Variants in EIF4G3 observed in about 807,000 individuals in gnomAD.
EIF4G3 encodes eIF-4-gamma 3.
EIF4G3 carries 34 observed loss-of-function variants against 186.4 expected under a neutral mutation model. The observed-to-expected ratio is 0.18, with a 90% CI of 0.14 to 0.24. The LOEUF (loss-of-function observed/expected upper bound fraction) is 0.24. Among genes scored for constraint, EIF4G3 ranks in the 10% least tolerant of loss-of-function variants. EIF4G3 has a pLI of 1.00. For missense variants in EIF4G3, 1,536 were observed against 1,948.5 expected, an observed-to-expected ratio of 0.79 and a Z score of 3.99; for synonymous variants, 673 against 679.5, an observed-to-expected ratio of 0.99 and a Z score of 0.15.
chr1:21,117,313 G>A (rs2096842094), intron 2 of EIF4G3, among the ~76,000 whole-genome samples: 1 of 151,956 alleles, frequency 6.6e-6, no homozygotes, highest in African/African-American at 2.4e-5. Context: ...TGAGTATCAA[G>A]CACCAACAAT....
At chr1:21,017,380 G>A (rs1489403852) in intron 4 of EIF4G3, among the ~76,000 whole-genome samples, 1 of 152,114 alleles carries the variant, frequency 6.6e-6, no homozygotes, top group Non-Finnish European at 1.5e-5. Flanking sequence ...TGTAATCCCA[G>A]CACTTTGGGA....
At chr1:21,173,996 T>C (rs929483515) in intron 2 of EIF4G3, among the ~76,000 whole-genome samples, 1 of 152,204 alleles carries the variant, frequency 6.6e-6, no homozygotes, top group Admixed American at 6.5e-5. Flanking sequence ...CAACCTATAC[T>C]TCCTTTACTG....
chr1:21,124,403 C>T (rs2096987975), intron 2 of EIF4G3, among the ~76,000 whole-genome samples: 1 of 152,190 alleles, frequency 6.6e-6, no homozygotes, highest in African/African-American at 2.4e-5. Context: ...TTGCTTCTTA[C>T]ATGGGCACTA....
chr1:20,834,501 T>C (rs934858322), intron 30 of EIF4G3, among the ~76,000 whole-genome samples: 2 of 151,952 alleles, frequency 1.3e-5, no homozygotes, highest in African/African-American at 4.8e-5. Flanking sequence ...GAGATTCACT[T>C]TACTACTAAG....
chr1:20,981,537 GCA>G (rs1286194124), intron 8 of EIF4G3, among the ~76,000 whole-genome samples: 4 of 129,616 alleles, frequency 3.1e-5, no homozygotes, highest in East Asian at 4.9e-4. Context: ...ACATGTATAC[GCA>G]CATACTGTAT....
At chr1:20,956,365 T>G (rs1471738281) in intron 12 of EIF4G3, among the ~76,000 whole-genome samples, 1 of 152,136 alleles carries the variant, frequency 6.6e-6, no homozygotes, top group Non-Finnish European at 1.5e-5. Context: ...TTTAAAAAGA[T>G]CACTCACTTG....
chr1:21,138,413 A>C (rs1558140955), intron 2 of EIF4G3, among the ~76,000 whole-genome samples: 1 of 152,222 alleles, frequency 6.6e-6, no homozygotes, highest in Non-Finnish European at 1.5e-5. Flanking sequence ...AGTTCACTCC[A>C]AACAAAAAAG....
chr1:20,884,350 T>C (rs551596810), intron 19 of EIF4G3, among the ~76,000 whole-genome samples: 1 of 152,306 alleles, frequency 6.6e-6, no homozygotes, highest in East Asian at 1.9e-4. Context: ...TTCATGACGC[T>C]TGACAACTTT....
chr1:20,994,628 C>CTTTTTTTTTT (rs3081939), intron 7 of EIF4G3, among the ~76,000 whole-genome samples: 1 of 124,482 alleles, frequency 8.0e-6, no homozygotes, highest in Non-Finnish European at 1.6e-5. Context: ...AACATATATA[C>CTTTTTTTTTT]TTTTTTTTTT....
At chr1:20,868,972 A>C (rs983689588) in intron 20 of EIF4G3, among the ~76,000 whole-genome samples, 2 of 152,192 alleles carry the variant, frequency 1.3e-5, no homozygotes, top group Non-Finnish European at 2.9e-5. Context: ...TACTGCTGAC[A>C]TATTTGTTAG....
At chr1:21,132,759 C>G (rs143999420) in intron 2 of EIF4G3, among the ~76,000 whole-genome samples, 7 of 151,750 alleles carry the variant, frequency 4.6e-5, no homozygotes, top group Non-Finnish European at 8.8e-5. Flanking sequence ...TTTAAAACTT[C>G]CAAATTTTCC....
At chr1:21,143,145 AG>A (rs1403038162) in intron 2 of EIF4G3, among the ~76,000 whole-genome samples, 1 of 151,978 alleles carries the variant, frequency 6.6e-6, no homozygotes, top group African/African-American at 2.4e-5. Context: ...GCTACTAGGG[AG>A]GTTGAGGCTG....
chr1:20,964,603 A>C (rs1402075532), intron 12 of EIF4G3, among the ~76,000 whole-genome samples: 1 of 152,214 alleles, frequency 6.6e-6, no homozygotes, highest in African/African-American at 2.4e-5. Flanking sequence ...GTTTCCCTCA[A>C]TTAACTCATA....
chr1:21,085,439 T>C (rs546348461), intron 3 of EIF4G3, among the ~76,000 whole-genome samples: 3 of 152,166 alleles, frequency 2.0e-5, no homozygotes, highest in Non-Finnish European at 4.4e-5. Context: ...TGCTCTACTG[T>C]CCAGGCTGGA....
intron 2 of EIF4G3, among the ~76,000 whole-genome samples, chr1:21,158,952 T>TA (rs2097710663): frequency 1.4e-5 from 2 of 147,676 alleles, no homozygotes; most frequent in South Asian, 4.2e-4. Flanking sequence ...AATCTATACA[T>TA]AAAAGGCCTT....
intron 4 of EIF4G3, among the ~76,000 whole-genome samples, chr1:21,015,741 C>A (rs530391600): frequency 1.9e-5 from 2 of 105,904 alleles, no homozygotes; most frequent in African/African-American, 7.3e-5. Context: ...CATTATTCAA[C>A]ATGCTGAAAG....
chr1:21,075,522 T>C lies in EIF4G3; in HGVS notation c.-196+13616A>G, dbSNP rs1199418477. ...AGGCGGAGGTTGCAGCAAGCCGAGA[T>C]TATGCCATTGCACTTCAGCCTGGGC... is the stretch of plus-strand genomic sequence containing the variant. On this transcript the variant is annotated intron_variant, in intron 3 of 36. Transcript: ENST00000602326. Among the ~76,000 whole-genome samples, 4 of 130,590 alleles carry C rather than the reference T, an allele frequency of 3.1e-5. No homozygotes were observed. The East Asian group carries it at 9.0e-4, about 29-fold the overall frequency. The allele number at this position is 130,590 out of a possible 152,430, so 85.7% of individuals were successfully genotyped here.
intron 5 of EIF4G3, among the ~76,000 whole-genome samples, chr1:21,001,600 A>C (rs1259009226): frequency 6.6e-6 from 1 of 152,142 alleles, no homozygotes; most frequent in Non-Finnish European, 1.5e-5. Context: ...CAGACATCTT[A>C]TTGACCATTT....
intron 2 of EIF4G3, among the ~76,000 whole-genome samples, chr1:21,113,058 C>T (rs1045346345): frequency 7.1e-6 from 1 of 140,842 alleles, no homozygotes; most frequent in African/African-American, 2.6e-5. Flanking sequence ...CTTTGGGAGG[C>T]TGAGAATGGC....
Sources: allele counts gnomAD v4.1 joint callset (sites outside exome capture counted in the v4.1 genomes callset), GRCh38; gene constraint gnomAD v4.1.1; transcripts MANE v1.5; gene names NCBI Gene and HGNC (gene_info 2026-07-23, HGNC 2026-07-21).